BCAR1: variants seen among roughly 807,000 people sequenced by gnomAD.
BCAR1 encodes breast cancer anti-estrogen resistance protein 1.
A neutral mutation model predicts 67.6 loss-of-function variants in BCAR1; 30 were observed. The ratio of observed to expected loss-of-function variants is 0.44; its 90% CI spans 0.33 to 0.60. BCAR1 has a LOEUF of 0.60. Ranked by LOEUF, BCAR1 falls within the 20% of genes least tolerant of loss-of-function variation. The pLI, the probability that BCAR1 is intolerant of heterozygous loss-of-function variation, is 0.02. For missense variants in BCAR1, 1,313 were observed against 1,222.3 expected, an observed-to-expected ratio of 1.07 and a Z score of -1.11; for synonymous variants, 626 against 556.7, an observed-to-expected ratio of 1.12 and a Z score of -1.75.
intron 6 of BCAR1, 27 bp downstream of exon 6, chr16:75,233,819 G>C (rs754519342): frequency 6.3e-7 from 1 of 1,575,980 alleles, no homozygotes; most frequent in Non-Finnish European, 8.6e-7. Context: ...GGGCAAAGCT[G>C]GGCCTTGCTC....
intron 1 of BCAR1, chr16:75,263,865 G>C (rs1000520571): frequency 1.0e-6 from 1 of 1,001,118 alleles, no homozygotes; most frequent in African/African-American, 1.7e-5. Context: ...GCAATTTTCC[G>C]AACACTTCAA....
At chr16:75,264,261 CCAAAT>C (rs1397818709) in intron 1 of BCAR1, 10 of 1,367,110 alleles carry the variant, frequency 7.3e-6, no homozygotes, top group Non-Finnish European at 9.5e-6. Context: ...GACAACCAAA[CCAAAT>C]CAAACGGGGA....
At chr16:75,241,569 T>C (rs1395447178) in intron 2 of BCAR1, among the ~76,000 whole-genome samples, 1 of 152,158 alleles carries the variant, frequency 6.6e-6, no homozygotes, top group East Asian at 1.9e-4. Flanking sequence ...AAGGAGCAGG[T>C]AGAGCAGGAA....
chr16:75,233,864 G>C lies in BCAR1; in HGVS notation c.2082C>G (p.Ser694Arg). 1 of 1,608,260 alleles carries C rather than the reference G, an allele frequency of 6.2e-7. No homozygotes were observed. Among genetic ancestry groups the C allele is most frequent in the South Asian group, 1.1e-5 (1 of 89,744 alleles). Residue 694 changes from serine to arginine, a missense_variant, in exon 6 of 7, where the codon AGC becomes AGG. Ser to Arg is a moderately radical substitution (Grantham distance 110). Around this residue, in one of 2 missense-constraint regions of BCAR1, gnomAD observed 1,272 missense variants for 1,137.5 expected, o/e 1.12. Coordinates refer to ENST00000162330, the MANE Select transcript of BCAR1 (RefSeq NM_014567.5). ...GCCTCACCTGCTGCAACTCCAGCTG[G>C]CTCTTGCCCTGCCGCGTGATGCTGC... The part of the protein sequence containing the change: ...EKGSITRQGK[S>R]QLELQQLKQF...
At chr16:75,251,233 G>C (rs1202958083) in intron 1 of BCAR1, among the ~76,000 whole-genome samples, 4 of 151,948 alleles carry the variant, frequency 2.6e-5, no homozygotes, top group Non-Finnish European at 5.9e-5. Context: ...CCTCCTACCG[G>C]CTGGCGGCCC....
intron 1 of BCAR1, chr16:75,247,858 A>C (rs574851244): frequency 6.5e-6 from 4 of 615,042 alleles, no homozygotes; most frequent in South Asian, 3.8e-5. Flanking sequence ...AGCTGGGAGA[A>C]AATGGCAAGA....
chr16:75,251,053 G>T, intron 1 of BCAR1: 2 of 900,760 alleles, frequency 2.2e-6, no homozygotes, highest in Non-Finnish European at 2.7e-6. Context: ...GAGCCGGTGG[G>T]CAGTCCCCAC....
chr16:75,238,933 G>A, intron 2 of BCAR1: 1 of 985,408 alleles, frequency 1.0e-6, no homozygotes, highest in African/African-American at 1.7e-5. Flanking sequence ...CCAGGACCCA[G>A]CACCAGCAGG....
intron 1 of BCAR1, chr16:75,247,778 C>G: frequency 2.1e-6 from 1 of 486,084 alleles, no homozygotes. Context: ...CCAGGCCTGG[C>G]TCATATCTGG....
At position 75,233,854 on chromosome 16, in the gene BCAR1, A is replaced by G; in HGVS notation, c.2092T>C (p.Leu698=). ...ITRQGKSQLE[L]QQLKQFERLE... ...CTGCTCCGGGGCCTCACCTGCTGCA[A>G]CTCCAGCTGGCTCTTGCCCTGCCGC... is the stretch of plus-strand genomic sequence containing the variant. Residue 698 remains leucine, a synonymous_variant, in exon 6 of 7, where the codon TTG becomes CTG. Transcript: ENST00000162330. 1.9e-6 allele frequency: 3 copies of G among 1,605,570 alleles called. No homozygotes were observed. Among genetic ancestry groups the G allele is most frequent in the African/African-American group, 1.3e-5 (1 of 74,810 alleles).
chr16:75,252,417 T>G (rs551526497), upstream of BCAR1: 3 of 1,450,306 alleles, frequency 2.1e-6, no homozygotes, highest in Non-Finnish European at 2.7e-6. Flanking sequence ...ATGAGGGAGA[T>G]AGAAGGAAGA....
rs1597142633 is a variant in BCAR1, at chr16:75,229,219, T to C, written c.*292A>G. On this transcript the variant is annotated 3_prime_UTR_variant, in exon 7 of 7. Coordinates refer to ENST00000162330, the MANE Select transcript of BCAR1 (RefSeq NM_014567.5). ...CAGCCCTCGGGGTGGCACGAGGTCC[T>C]GCAGGCTGCAGGACCCTCACACTCC... The C allele has an allele frequency of 2.7e-6, 1 of 368,098 alleles. No homozygotes were observed. Among genetic ancestry groups the C allele is most frequent in the Non-Finnish European group, 4.9e-6 (1 of 205,850 alleles). The allele number at this position is 368,098 out of a possible 1,614,324, so 22.8% of individuals were successfully genotyped here.
chr16:75,265,966 C>G lies in BCAR1; in HGVS notation c.66+1949G>C, dbSNP rs556381799. On this transcript the variant is annotated intron_variant, in intron 1 of 6. Transcript: ENST00000393422. ...CGGCTCCTCCGGCTCCTGAGCGTTC[C>G]CGGACGCCGGACTGTCCGGCCGCTC... The G allele has an allele frequency of 1.7e-5, 18 of 1,066,288 alleles. No homozygotes were observed. The East Asian group carries it at 1.2e-3, about 71-fold the overall frequency. The allele number at this position is 1,066,288 out of a possible 1,614,324, so 66.1% of individuals were successfully genotyped here.
chr16:75,264,690 C>A, intron 1 of BCAR1: 1 of 1,236,078 alleles, frequency 8.1e-7, no homozygotes, highest in African/African-American at 1.5e-5. Flanking sequence ...CAGCTTCCCT[C>A]TGGTCATCTG....
At chr16:75,241,405 C>T (rs1215172260) in intron 2 of BCAR1, among the ~76,000 whole-genome samples, 2 of 152,050 alleles carry the variant, frequency 1.3e-5, no homozygotes, top group African/African-American at 4.8e-5. Context: ...TGTGGGTATA[C>T]CTGGACTGTG....
chr16:75,241,627 C>T (rs1481405221), intron 2 of BCAR1, among the ~76,000 whole-genome samples: 2 of 152,346 alleles, frequency 1.3e-5, no homozygotes, highest in East Asian at 3.9e-4. Context: ...CTTGGTGGCC[C>T]ATGTCCATGG....
intron 1 of BCAR1, chr16:75,248,492 C>T: frequency 2.7e-6 from 1 of 374,536 alleles, no homozygotes; most frequent in Non-Finnish European, 4.1e-6. Context: ...GTCCTGATCA[C>T]CCCACTTGGT....
At chr16:75,251,657 G>A, upstream of BCAR1, 1 of 997,744 alleles carries the variant, frequency 1.0e-6, no homozygotes, top group Non-Finnish European at 1.2e-6. Flanking sequence ...CGGCCCAGCC[G>A]GCCCAGCCCG....
intron 1 of BCAR1, among the ~76,000 whole-genome samples, chr16:75,244,331 G>A (rs2077450785): frequency 6.6e-6 from 1 of 152,284 alleles, no homozygotes. Flanking sequence ...TCTGCAAGGA[G>A]TGAAACAAGG....
Sources: allele counts gnomAD v4.1 joint callset (sites outside exome capture counted in the v4.1 genomes callset), GRCh38; gene constraint gnomAD v4.1.1; regional missense constraint gnomAD v4.1.1; transcripts MANE v1.5; gene names NCBI Gene and HGNC (gene_info 2026-07-23, HGNC 2026-07-21).